The following AGBL4 variants were observed in gnomAD, a reference collection of about 807,000 sequenced individuals.
AGBL4 encodes AGBL carboxypeptidase 4, also known as cytosolic carboxypeptidase 6.
In AGBL4, 58 loss-of-function variants were observed where a neutral mutation model predicts 66.4. The observed-to-expected ratio is 0.87, with a 90% confidence interval of 0.71 to 1.09. AGBL4 has a LOEUF of 1.09. AGBL4 is among the 50% of genes least tolerant of loss of function. The probability of loss-of-function intolerance (pLI) is 0.00; values close to 1 mark genes in which losing one functional copy is unlikely to be tolerated. For missense variants in AGBL4, 579 were observed against 631.0 expected, an observed-to-expected ratio of 0.92 and a Z score of 0.88; for synonymous variants, 234 against 222.9, an observed-to-expected ratio of 1.05 and a Z score of -0.44.
intron 3 of AGBL4, among the ~76,000 whole-genome samples, chr1:49,493,985 G>A (rs1647298673): frequency 6.6e-6 from 1 of 151,928 alleles, no homozygotes; most frequent in Admixed American, 6.6e-5. Context: ...GAAGGGACTG[G>A]AAAGGTAAAG....
chr1:49,041,246 G>T (rs929044153), intron 5 of AGBL4, among the ~76,000 whole-genome samples: 3 of 152,032 alleles, frequency 2.0e-5, no homozygotes, highest in African/African-American at 4.8e-5. Flanking sequence ...TTGGAATAAG[G>T]ATTAACTAAT....
intron 1 of AGBL4, among the ~76,000 whole-genome samples, chr1:49,936,576 G>T (rs559751625): frequency 6.6e-6 from 1 of 152,270 alleles, no homozygotes; most frequent in African/African-American, 2.4e-5. Flanking sequence ...AATGTTAAGG[G>T]CAGCCAGAGA....
At chr1:49,438,091 T>G (rs1645943992) in intron 3 of AGBL4, among the ~76,000 whole-genome samples, 3 of 152,192 alleles carry the variant, frequency 2.0e-5, no homozygotes, top group Non-Finnish European at 4.4e-5. Context: ...AGGACTATAT[T>G]ACTGACTCCA....
At chr1:48,621,555 T>C (rs1276052901) in intron 9 of AGBL4, among the ~76,000 whole-genome samples, 1 of 152,216 alleles carries the variant, frequency 6.6e-6, no homozygotes, top group Non-Finnish European at 1.5e-5. Context: ...GACCCAGAAA[T>C]ACCACTGCTA....
intron 3 of AGBL4, among the ~76,000 whole-genome samples, chr1:49,360,761 T>C (rs1264237731): frequency 6.6e-6 from 1 of 152,190 alleles, no homozygotes; most frequent in Non-Finnish European, 1.5e-5. Flanking sequence ...GAAATACATA[T>C]AGAACAAATA....
chr1:48,532,073 C>T (rs184260534), downstream of AGBL4, among the ~76,000 whole-genome samples: 79 of 152,240 alleles, frequency 5.2e-4, no homozygotes, highest in Admixed American at 4.8e-3. Context: ...TGTGAGCCAC[C>T]GCACCCGGCC....
Position 48,603,225 on chromosome 1 carries a change from T to A in AGBL4, c.952-12240A>T, listed in dbSNP as rs185837633. ...AGTGGCTCATGCCTGTAATCCCAGC[T>A]CTTTGGGAAGCTGAGGCAGGTGGAT... On this transcript the variant is annotated intron_variant, in intron 9 of 13. Coordinates refer to ENST00000371839, the MANE Select transcript of AGBL4 (RefSeq NM_032785.4). Among the ~76,000 whole-genome samples the A allele has an allele frequency of 6.1e-4, 93 of 151,928 alleles. 1 individual carries two copies. The East Asian group carries it at 0.017, about 27-fold the overall frequency.
intron 4 of AGBL4, among the ~76,000 whole-genome samples, chr1:49,107,692 TGTGAGAGAGAGAGAGA>T (rs1447198605): frequency 3.4e-4 from 40 of 117,830 alleles, no homozygotes; most frequent in African/African-American, 1.3e-3. Flanking sequence ...TGTGTGTGTG[TGTGAGAGAGAGAGAGA>T]GAGAGAGAGA....
chr1:49,513,302 G>A (rs1388659250), intron 3 of AGBL4, among the ~76,000 whole-genome samples: 3 of 151,858 alleles, frequency 2.0e-5, no homozygotes, highest in South Asian at 2.1e-4. Flanking sequence ...TTTTAGATAC[G>A]GGGGTACATG....
chr1:49,226,989 C>T (rs1378258374), intron 4 of AGBL4, among the ~76,000 whole-genome samples: 2 of 152,134 alleles, frequency 1.3e-5, no homozygotes, highest in African/African-American at 4.8e-5. Flanking sequence ...GAGGCAGCCT[C>T]TGTTAGAAGA....
chr1:49,457,281 T>C (rs1570761097), intron 3 of AGBL4, among the ~76,000 whole-genome samples: 1 of 151,950 alleles, frequency 6.6e-6, no homozygotes, highest in Non-Finnish European at 1.5e-5. Context: ...AGGAGTGAGA[T>C]AGTATCGCAT....
chr1:49,726,187 A>AGAT (rs1161948777), intron 2 of AGBL4, among the ~76,000 whole-genome samples: 1 of 152,190 alleles, frequency 6.6e-6, no homozygotes, highest in African/African-American at 2.4e-5. Flanking sequence ...GATTCAGAGA[A>AGAT]GATAGAATTC....
At chr1:49,720,082 ACTCT>A (rs1648483770) in intron 2 of AGBL4, among the ~76,000 whole-genome samples, 1 of 152,010 alleles carries the variant, frequency 6.6e-6, no homozygotes, top group African/African-American at 2.4e-5. Context: ...AAAAATATAC[ACTCT>A]CTAAGACTAA....
At chr1:49,958,328 A>C (rs1166169534) in intron 1 of AGBL4, among the ~76,000 whole-genome samples, 1 of 151,920 alleles carries the variant, frequency 6.6e-6, no homozygotes, top group African/African-American at 2.4e-5. Context: ...GAATCTGACA[A>C]TTATGTGTCT....
chr1:48,657,334 A>G (rs1384446139), intron 7 of AGBL4, among the ~76,000 whole-genome samples: 1 of 152,216 alleles, frequency 6.6e-6, no homozygotes, highest in Non-Finnish European at 1.5e-5. Flanking sequence ...ATGGGAATGG[A>G]GAGGTGAACA....
chr1:49,498,954 G>A (rs1324945567), intron 3 of AGBL4, among the ~76,000 whole-genome samples: 2 of 151,940 alleles, frequency 1.3e-5, no homozygotes, highest in Admixed American at 1.3e-4. Context: ...ATTGAATTTA[G>A]GTTGCTAACA....
At chr1:49,887,218 G>A (rs1157754217) in intron 1 of AGBL4, among the ~76,000 whole-genome samples, 3 of 149,104 alleles carry the variant, frequency 2.0e-5, no homozygotes, top group African/African-American at 4.9e-5. Flanking sequence ...TACATTGTGT[G>A]TATATATATA....
At chr1:48,867,106 G>A (rs1329118172) in intron 6 of AGBL4, 85 bp downstream of exon 6, 1 of 1,456,810 alleles carries the variant, frequency 6.9e-7, no homozygotes, top group East Asian at 2.3e-5. Flanking sequence ...CAAAAGAGAA[G>A]GGCAAGAATT....
At chr1:49,496,319 C>G (rs1320374261) in intron 3 of AGBL4, among the ~76,000 whole-genome samples, 1 of 151,700 alleles carries the variant, frequency 6.6e-6, no homozygotes, top group Non-Finnish European at 1.5e-5. Context: ...AATATGTATA[C>G]ATTGTGGAAT....
Sources: gnomAD v4.1 joint callset for allele counts (sites outside exome capture counted in the v4.1 genomes callset) on GRCh38, gnomAD v4.1.1 for gene constraint, MANE v1.5 for transcripts, NCBI Gene and HGNC (gene_info 2026-07-23, HGNC 2026-07-21) for gene names.